GRB14: variants seen among roughly 807,000 people sequenced by gnomAD.
GRB14 encodes growth factor receptor bound protein 14.
GRB14 carries 38 observed loss-of-function variants against 69.1 expected under a neutral mutation model. The observed-to-expected ratio is 0.55, with a 90% CI of 0.42 to 0.72. The LOEUF (loss-of-function observed/expected upper bound fraction) is 0.72. GRB14 is among the 30% of genes least tolerant of loss of function. GRB14 has a pLI of 0.00. For missense variants in GRB14, 666 were observed against 666.1 expected (o/e 1.00, Z 0.00); for synonymous variants, 247 against 241.3 (o/e 1.02, Z -0.22).
chr2:164,566,897 G>A (rs1413629216), intron 2 of GRB14, among the ~76,000 whole-genome samples: 1 of 152,062 alleles, frequency 6.6e-6, no homozygotes, highest in Non-Finnish European at 1.5e-5. Context: ...TTTGCCCAAA[G>A]TCACAGGGCT....
At chr2:164,505,260 G>T (rs1687159330) in intron 8 of GRB14, among the ~76,000 whole-genome samples, 1 of 152,012 alleles carries the variant, frequency 6.6e-6, no homozygotes. Context: ...ATAGTGAGAA[G>T]GGAACATTAT....
intron 13 of GRB14, 32 bp from the exon 14 acceptor site, chr2:164,493,214 A>AG: frequency 1.3e-6 from 2 of 1,597,836 alleles, no homozygotes; most frequent in Non-Finnish European, 1.7e-6. Flanking sequence ...ATAAGTAAAG[A>AG]GGATAAATTA....
At chr2:164,582,340 C>T (rs1013993831) in intron 2 of GRB14, among the ~76,000 whole-genome samples, 1 of 152,112 alleles carries the variant, frequency 6.6e-6, no homozygotes, top group Non-Finnish European at 1.5e-5. Context: ...TCCACTCTGT[C>T]ACCAAGTTCT....
At chr2:164,533,378 A>G (rs892472990) in intron 3 of GRB14, among the ~76,000 whole-genome samples, 11 of 149,214 alleles carry the variant, frequency 7.4e-5, no homozygotes, top group African/African-American at 2.0e-4. Context: ...GACTACAGGC[A>G]CCCGCCACTG....
At chr2:164,545,558 C>CAA (rs1688353279) in intron 3 of GRB14, among the ~76,000 whole-genome samples, 1 of 152,174 alleles carries the variant, frequency 6.6e-6, no homozygotes, top group African/African-American at 2.4e-5. Flanking sequence ...AGAGGACACA[C>CAA]ATCCCTGACG....
chr2:164,565,041 CA>C (rs1398445655), intron 2 of GRB14, among the ~76,000 whole-genome samples: 1 of 152,056 alleles, frequency 6.6e-6, no homozygotes. Flanking sequence ...AACAAACAAA[CA>C]AAAAATGTTA....
intron 3 of GRB14, 63 bp from the exon 4 acceptor site, chr2:164,527,198 TATATATATATATATATATATATAC>T: frequency 3.9e-6 from 1 of 253,458 alleles, no homozygotes; most frequent in Non-Finnish European, 7.1e-6. Flanking sequence ...TATATATATA[TATATATATATATATATATATATAC>T]ACACACAGAC....
rs1265995194 is a variant in GRB14 at position 164,514,465 on chromosome 2, AT to A, written c.817-5614del. Among the ~76,000 whole-genome samples, 9 of 152,280 alleles carry A rather than the reference AT, an allele frequency of 5.9e-5. 1 individual carries two copies. In the South Asian group the frequency reaches 1.9e-3, roughly 32 times the overall value. Reference sequence around the variant, plus strand: ...TGAAGGTCCAGATCACAGGAGAAGGATTTGACATTACCTACAGCTGAGACAA... The same window carrying A: ...TGAAGGTCCAGATCACAGGAGAAGGATTGACATTACCTACAGCTGAGACAA... On this transcript the variant is annotated intron_variant, in intron 6 of 13. Transcript: ENST00000263915.
At chr2:164,568,416 G>A in intron 2 of GRB14, 5 of 1,257,040 alleles carry the variant, frequency 4.0e-6, no homozygotes, top group Non-Finnish European at 5.1e-6. Flanking sequence ...CGTAGGTCAT[G>A]GACAAAATAA....
chr2:164,505,753 T>C (rs770229515), intron 8 of GRB14, among the ~76,000 whole-genome samples: 1 of 152,166 alleles, frequency 6.6e-6, no homozygotes, highest in Non-Finnish European at 1.5e-5. Flanking sequence ...ATTACAAAAA[T>C]CTAGGTTCAA....
intron 3 of GRB14, among the ~76,000 whole-genome samples, chr2:164,530,880 T>C (rs1266708697): frequency 6.6e-6 from 1 of 152,142 alleles, no homozygotes; most frequent in Non-Finnish European, 1.5e-5. Flanking sequence ...TTCAATAGGA[T>C]CACACTGTGG....
intron 8 of GRB14, among the ~76,000 whole-genome samples, chr2:164,503,830 G>A (rs1165943755): frequency 6.6e-6 from 1 of 152,122 alleles, no homozygotes; most frequent in Non-Finnish European, 1.5e-5. Flanking sequence ...TAATAAGTCT[G>A]TTTTCTTCAA....
intron 3 of GRB14, among the ~76,000 whole-genome samples, chr2:164,527,805 C>T (rs924088113): frequency 6.6e-6 from 1 of 151,886 alleles, no homozygotes; most frequent in African/African-American, 2.4e-5. Context: ...GCAGAAAAGG[C>T]ACTTAAATGA....
At chr2:164,516,946 C>T (rs1162264967) in intron 6 of GRB14, among the ~76,000 whole-genome samples, 1 of 152,114 alleles carries the variant, frequency 6.6e-6, no homozygotes, top group Non-Finnish European at 1.5e-5. Flanking sequence ...ATCACTTGAA[C>T]CCAGGAGGTG....
chr2:164,577,019 CAT>C (rs1013871528), intron 2 of GRB14, among the ~76,000 whole-genome samples: 2 of 151,476 alleles, frequency 1.3e-5, no homozygotes, highest in Admixed American at 6.6e-5. Flanking sequence ...TGCAAAAAAA[CAT>C]AATGAAATAG....
chr2:164,599,579 A>C (rs562922074), intron 2 of GRB14, among the ~76,000 whole-genome samples: 224 of 152,336 alleles, frequency 1.5e-3, no homozygotes, highest in African/African-American at 5.1e-3. Flanking sequence ...TGATTAACCA[A>C]GCTCAAGTTT....
At chr2:164,509,207 T>C (rs1260259822) in intron 6 of GRB14, among the ~76,000 whole-genome samples, 3 of 152,330 alleles carry the variant, frequency 2.0e-5, no homozygotes, top group Non-Finnish European at 2.9e-5. Flanking sequence ...CATCCAGCTT[T>C]CAAATAATGG....
intron 2 of GRB14, among the ~76,000 whole-genome samples, chr2:164,570,520 A>G (rs952571818): frequency 6.6e-6 from 1 of 152,162 alleles, no homozygotes; most frequent in Non-Finnish European, 1.5e-5. Context: ...ACTAACAGTG[A>G]TTAAATGCTA....
chr2:164,500,844 T>C (rs1687030851), intron 9 of GRB14, among the ~76,000 whole-genome samples: 1 of 151,990 alleles, frequency 6.6e-6, no homozygotes, highest in South Asian at 2.1e-4. Context: ...TCACCTTCAA[T>C]GGAAAAAGAC....
Sources: gnomAD v4.1 joint callset for allele counts (sites outside exome capture counted in the v4.1 genomes callset) on GRCh38, gnomAD v4.1.1 for gene constraint, MANE v1.5 for transcripts, NCBI Gene and HGNC (gene_info 2026-07-23, HGNC 2026-07-21) for gene names.